Variants in UHRF2 observed in about 807,000 individuals in gnomAD.
The protein encoded by UHRF2 is ubiquitin like with PHD and ring finger domains 2, also known as E3 ubiquitin-protein ligase UHRF2.
In UHRF2, 23 loss-of-function variants were observed where a neutral mutation model predicts 96.8. That is an observed-to-expected ratio of 0.24 (90% CI 0.17 to 0.34). The LOEUF (loss-of-function observed/expected upper bound fraction) is 0.34, where lower values mean the gene tolerates loss of function less well. Ranked by LOEUF, UHRF2 falls within the 10% of genes least tolerant of loss-of-function variation. The pLI, the probability that UHRF2 is intolerant of heterozygous loss-of-function variation, is 1.00. For synonymous variants in UHRF2, 385 were observed against 332.6 expected, an observed-to-expected ratio of 1.16 and a Z score of -1.72; for missense variants, 685 against 981.5, an observed-to-expected ratio of 0.70 and a Z score of 4.04.
intron 2 of UHRF2, among the ~76,000 whole-genome samples, chr9:6,424,140 A>G (rs1820102403): frequency 6.6e-6 from 1 of 152,092 alleles, no homozygotes; most frequent in African/African-American, 2.4e-5. Context: ...AATAAAGTGT[A>G]AATATTAGAG....
At chr9:6,457,912 G>C (rs577749707) in intron 3 of UHRF2, among the ~76,000 whole-genome samples, 4 of 152,258 alleles carry the variant, frequency 2.6e-5, no homozygotes, top group South Asian at 4.1e-4. Flanking sequence ...CGGTTTGCCC[G>C]TATTTTATTG....
At chr9:6,418,452 A>G (rs532196316) in intron 1 of UHRF2, among the ~76,000 whole-genome samples, 2 of 152,132 alleles carry the variant, frequency 1.3e-5, no homozygotes, top group African/African-American at 4.8e-5. Context: ...CTACTTGACA[A>G]ATGTGAATAC....
intron 15 of UHRF2, 130 bp from the exon 16 acceptor site, chr9:6,505,903 G>C: frequency 1.1e-6 from 1 of 932,244 alleles, no homozygotes; most frequent in Middle Eastern, 2.4e-4. Context: ...GCAGATTCAA[G>C]CCTTTATGTT....
At chr9:6,498,773 C>A (rs117579654) in intron 12 of UHRF2, 2,318 of 152,420 alleles carry the variant, frequency 0.015, 52 homozygotes, top group Non-Finnish European at 0.017. Flanking sequence ...TTGTCCCTGA[C>A]ACTGACTTCA....
chr9:6,500,032 G>C (rs1401961684), intron 13 of UHRF2, 101 bp downstream of exon 13: 29 of 935,290 alleles, frequency 3.1e-5, no homozygotes, highest in Non-Finnish European at 4.1e-5. Flanking sequence ...GAGTGCAGTG[G>C]AAAGATCTTG....
chr9:6,468,651 C>A, intron 4 of UHRF2: 1 of 455,992 alleles, frequency 2.2e-6, no homozygotes, highest in Non-Finnish European at 4.4e-6. Context: ...CCTGCTTTCA[C>A]CTTTGGGCTT....
chr9:6,443,652 T>C (rs768603762), intron 3 of UHRF2, among the ~76,000 whole-genome samples: 4 of 152,242 alleles, frequency 2.6e-5, no homozygotes, highest in Non-Finnish European at 5.9e-5. Flanking sequence ...AACACCTGTA[T>C]GTACTTCTCT....
intron 15 of UHRF2, 33 bp from the exon 16 acceptor site, chr9:6,505,996 GCTCA>G: frequency 6.2e-7 from 1 of 1,611,764 alleles, no homozygotes; most frequent in Non-Finnish European, 8.5e-7. Flanking sequence ...CATGCTTTAT[GCTCA>G]GATTAAATTG....
chr9:6,424,575 G>A (rs1227858962), intron 2 of UHRF2, among the ~76,000 whole-genome samples: 1 of 152,138 alleles, frequency 6.6e-6, no homozygotes, highest in Non-Finnish European at 1.5e-5. Flanking sequence ...ATTGAAGATA[G>A]TAGAGAGAGT....
chr9:6,431,459 C>G (rs1820558078), intron 2 of UHRF2, among the ~76,000 whole-genome samples: 1 of 152,050 alleles, frequency 6.6e-6, no homozygotes. Flanking sequence ...GTAACATTAG[C>G]TAGGTGTGGT....
intron 4 of UHRF2, among the ~76,000 whole-genome samples, chr9:6,474,292 A>G (rs1823428879): frequency 6.6e-6 from 1 of 152,252 alleles, no homozygotes; most frequent in African/African-American, 2.4e-5. Context: ...AAAGTCTTCA[A>G]GCAAGTGCTA....
intron 1 of UHRF2, among the ~76,000 whole-genome samples, chr9:6,416,349 T>C (rs1241614101): frequency 2.6e-5 from 4 of 151,988 alleles, no homozygotes; most frequent in African/African-American, 9.7e-5. Context: ...ATTACAGGCG[T>C]AAGCTACCGT....
At chr9:6,471,680 G>A (rs1398788797) in intron 4 of UHRF2, among the ~76,000 whole-genome samples, 1 of 152,104 alleles carries the variant, frequency 6.6e-6, no homozygotes, top group Non-Finnish European at 1.5e-5. Flanking sequence ...TCTTAAGCCA[G>A]AACTACCCAG....
At chr9:6,454,916 T>C (rs1357477145) in intron 3 of UHRF2, among the ~76,000 whole-genome samples, 1 of 152,232 alleles carries the variant, frequency 6.6e-6, no homozygotes, top group Non-Finnish European at 1.5e-5. Flanking sequence ...CTGGACCTCA[T>C]TTCCAGAGTT....
intron 1 of UHRF2, chr9:6,415,308 A>G (rs2130700043): frequency 6.6e-6 from 1 of 152,328 alleles, no homozygotes; most frequent in Non-Finnish European, 1.5e-5. Flanking sequence ...CCAGGGTCCT[A>G]GTGGGTAATT....
At chr9:6,487,307 G>C (rs1404941675) in intron 9 of UHRF2, among the ~76,000 whole-genome samples, 2 of 146,154 alleles carry the variant, frequency 1.4e-5, no homozygotes, top group East Asian at 4.2e-4. Flanking sequence ...TCCTGCCTCA[G>C]CCTCCCAAGT....
intron 3 of UHRF2, among the ~76,000 whole-genome samples, chr9:6,449,186 C>T (rs1356672144): frequency 6.6e-6 from 1 of 152,196 alleles, no homozygotes; most frequent in Admixed American, 6.5e-5. Context: ...GTGCAGTTAG[C>T]TGATCGTCTT....
intron 4 of UHRF2, among the ~76,000 whole-genome samples, chr9:6,469,731 TAC>T: frequency 1.8e-5 from 2 of 112,354 alleles, no homozygotes; most frequent in Non-Finnish European, 3.4e-5. Flanking sequence ...TGTGCATATA[TAC>T]GTGTATATAT....
intron 1 of UHRF2, chr9:6,415,388 T>C (rs1819540466): frequency 6.6e-6 from 1 of 152,238 alleles, no homozygotes; most frequent in African/African-American, 2.4e-5. Flanking sequence ...GTGCCAGCCA[T>C]TAACTTGGAA....
Sources: gnomAD v4.1 joint callset for allele counts (sites outside exome capture counted in the v4.1 genomes callset) on GRCh38, gnomAD v4.1.1 for gene constraint, MANE v1.5 for transcripts, NCBI Gene and HGNC (gene_info 2026-07-23, HGNC 2026-07-21) for gene names.